Variants in SERGEF observed in about 807,000 individuals in gnomAD.
The protein encoded by SERGEF is secretion-regulating guanine nucleotide exchange factor.
In SERGEF, 51 loss-of-function variants were observed where a neutral mutation model predicts 50.0. The observed-to-expected ratio is 1.02, with a 90% CI of 0.81 to 1.29. The LOEUF (loss-of-function observed/expected upper bound fraction) is 1.29, where lower values mean the gene tolerates loss of function less well. SERGEF is among the 50% of genes most tolerant of loss of function. The pLI is 0.00. For synonymous variants in SERGEF, 205 were observed against 212.4 expected, an observed-to-expected ratio of 0.97 and a Z score of 0.30; for missense variants, 521 against 557.0, an observed-to-expected ratio of 0.94 and a Z score of 0.65.
chr11:17,994,600 C>T (rs1853796343), intron 6 of SERGEF, among the ~76,000 whole-genome samples: 1 of 151,916 alleles, frequency 6.6e-6, no homozygotes, highest in Non-Finnish European at 1.5e-5. Context: ...CAGGATATGC[C>T]TGGGGAGAAG....
chr11:17,831,932 C>T (rs1850315743), intron 10 of SERGEF, among the ~76,000 whole-genome samples: 2 of 152,190 alleles, frequency 1.3e-5, no homozygotes, highest in South Asian at 4.1e-4. Flanking sequence ...TGACTCTTGC[C>T]TCTCCTTCAA....
At chr11:18,012,623 C>A in intron 1 of SERGEF, 1 of 1,175,816 alleles carries the variant, frequency 8.5e-7, no homozygotes, top group African/African-American at 1.7e-5. Flanking sequence ...CCGAGCCCTC[C>A]GCGCTGTCTT....
intron 10 of SERGEF, chr11:17,874,238 C>G (rs1360713380): frequency 6.6e-6 from 1 of 152,240 alleles, no homozygotes; most frequent in Non-Finnish European, 1.5e-5. Context: ...TTGGGAAGAA[C>G]AACTTCTGGG....
intron 10 of SERGEF, among the ~76,000 whole-genome samples, chr11:17,808,437 C>T (rs1233455322): frequency 1.3e-5 from 2 of 152,148 alleles, no homozygotes; most frequent in Non-Finnish European, 2.9e-5. Flanking sequence ...GTGCCATGCG[C>T]TTTTAAACAA....
chr11:17,848,160 T>C (rs1171430447), intron 10 of SERGEF, among the ~76,000 whole-genome samples: 1 of 152,166 alleles, frequency 6.6e-6, no homozygotes, highest in Admixed American at 6.5e-5. Flanking sequence ...AGGCCCAGTC[T>C]ATGTGCAGAG....
chr11:17,962,367 T>C (rs181960256), intron 8 of SERGEF, among the ~76,000 whole-genome samples: 50 of 152,088 alleles, frequency 3.3e-4, no homozygotes, highest in South Asian at 1.9e-3. Context: ...AATCCACATA[T>C]AAAAAATGCT....
At chr11:17,944,860 C>A (rs1004660305) in intron 9 of SERGEF, among the ~76,000 whole-genome samples, 1 of 152,124 alleles carries the variant, frequency 6.6e-6, no homozygotes, top group Non-Finnish European at 1.5e-5. Flanking sequence ...TAAGATGATA[C>A]CGACACAGAA....
At chr11:17,905,996 T>C (rs1017278101) in intron 9 of SERGEF, among the ~76,000 whole-genome samples, 20 of 152,208 alleles carry the variant, frequency 1.3e-4, no homozygotes, top group African/African-American at 4.6e-4. Flanking sequence ...CTTCCCTTCA[T>C]TTCTTCCTGT....
At chr11:18,004,212 T>A (rs1047564356) in intron 4 of SERGEF, among the ~76,000 whole-genome samples, 2 of 152,240 alleles carry the variant, frequency 1.3e-5, no homozygotes, top group Non-Finnish European at 2.9e-5. Context: ...TCTTATTGTT[T>A]TATTTCACAA....
Position 17,888,664 on chromosome 11 carries a change from C to G in SERGEF, c.1012-10420G>C, listed in dbSNP as rs1174691912. On this transcript the variant is annotated intron_variant, in intron 9 of 10. Transcript: ENST00000265965. This position sits in a 1 kb window ranked among gnomAD's most constrained non-coding sequence, Gnocchi z 4.1. Reference sequence around the variant, plus strand: ...ACACACACACACACACACACACACACACACACACACACACGCATTGAGTTA... The same window carrying G: ...ACACACACACACACACACACACACAGACACACACACACACGCATTGAGTTA... Among the ~76,000 whole-genome samples, 1 of 127,174 alleles carries G rather than the reference C, an allele frequency of 7.9e-6. No homozygotes were observed. The highest frequency in any genetic ancestry group is 1.8e-5 in the Non-Finnish European group (1 of 55,526). The allele number at this position is 127,174 out of a possible 152,430, so 83.4% of individuals were successfully genotyped here.
At chr11:18,002,111 G>A (rs183208823) in intron 4 of SERGEF, 439 of 441,152 alleles carry the variant, frequency 1.0e-3, no homozygotes, top group Non-Finnish European at 1.7e-3. Context: ...AAATCTTAGC[G>A]TTAATACAAT....
intron 9 of SERGEF, among the ~76,000 whole-genome samples, chr11:17,952,837 C>T (rs2133965493): frequency 6.6e-6 from 1 of 152,282 alleles, no homozygotes; most frequent in Non-Finnish European, 1.5e-5. Context: ...CCATCTCCAA[C>T]CTCCGTGACC....
chr11:17,957,611 T>C (rs957224062), intron 9 of SERGEF, among the ~76,000 whole-genome samples: 3 of 152,186 alleles, frequency 2.0e-5, no homozygotes, highest in Non-Finnish European at 4.4e-5. Context: ...AGAGCCAACT[T>C]CTGCCAAACA....
At chr11:17,904,916 A>G (rs1489715664) in intron 9 of SERGEF, among the ~76,000 whole-genome samples, 2 of 152,170 alleles carry the variant, frequency 1.3e-5, no homozygotes, top group Admixed American at 6.5e-5. Flanking sequence ...AGTTTCACCT[A>G]TCCTAATGGG....
At chr11:17,812,871 T>C (rs1849899712) in intron 10 of SERGEF, among the ~76,000 whole-genome samples, 1 of 152,144 alleles carries the variant, frequency 6.6e-6, no homozygotes, top group Non-Finnish European at 1.5e-5. Context: ...CCAACCTCCT[T>C]CTGGTTTATG....
chr11:17,827,624 C>T (rs1850220904), intron 10 of SERGEF, among the ~76,000 whole-genome samples: 1 of 152,176 alleles, frequency 6.6e-6, no homozygotes, highest in African/African-American at 2.4e-5. Context: ...TCACCTCCTA[C>T]TCTTCAGTTA....
In SERGEF at chr11:17,988,741, A is replaced by G. The variant is rs1853649727; in HGVS notation, c.700T>C (p.Tyr234His). The G allele has an allele frequency of 6.2e-7, 1 of 1,613,864 alleles. No homozygotes were observed. Residue 234 changes from tyrosine (Y) to histidine (H), a missense_variant, in exon 8 of 11, where the codon TAT (tyrosine) becomes CAT (histidine). Tyr to His is a moderately conservative substitution (Grantham distance 83). Coordinates refer to ENST00000265965, the MANE Select transcript of SERGEF (RefSeq NM_012139.4). ...SASLTDAGEV[Y>H]VWGSNKHGQL... The stretch of plus-strand genomic sequence containing the variant: ...CCATGCTTGTTGCTTCCCCAAACAT[A>G]CACCTCTCCTGCATCTTAAACAAAC...
intron 5 of SERGEF, among the ~76,000 whole-genome samples, chr11:17,998,844 A>G (rs1853901008): frequency 6.6e-6 from 1 of 150,436 alleles, no homozygotes; most frequent in Non-Finnish European, 1.5e-5. Context: ...AAAAAAAAAA[A>G]CTCACGAGAA....
At chr11:17,806,634 A>C (rs1849761193) in intron 10 of SERGEF, among the ~76,000 whole-genome samples, 1 of 152,166 alleles carries the variant, frequency 6.6e-6, no homozygotes, top group Non-Finnish European at 1.5e-5. Flanking sequence ...TGAAATGTAG[A>C]GATTCAATTA....
Sources: allele counts gnomAD v4.1 joint callset (sites outside exome capture counted in the v4.1 genomes callset), GRCh38; gene constraint gnomAD v4.1.1; non-coding constraint Gnocchi (gnomAD v3.1); transcripts MANE v1.5; gene names NCBI Gene and HGNC (gene_info 2026-07-23, HGNC 2026-07-21).